The following TMPRSS7 variants were observed in gnomAD, a reference collection of about 807,000 sequenced individuals.
TMPRSS7 encodes transmembrane protease serine 7.
A neutral mutation model predicts 95.6 loss-of-function variants in TMPRSS7; 81 were observed. That is an observed-to-expected ratio of 0.85 (90% CI 0.71 to 1.02). The LOEUF (loss-of-function observed/expected upper bound fraction) is 1.02, where lower values mean the gene tolerates loss of function less well. TMPRSS7 is among the 50% of genes least tolerant of loss of function. The pLI is 0.00. For synonymous variants in TMPRSS7, 364 were observed against 337.8 expected (o/e 1.08, Z -0.85); for missense variants, 945 against 955.2 (o/e 0.99, Z 0.14).
chr3:112,068,732 T>C (rs1471708876), intron 13 of TMPRSS7, among the ~76,000 whole-genome samples: 2 of 152,204 alleles, frequency 1.3e-5, no homozygotes, highest in African/African-American at 2.4e-5. Context: ...GCTGAGATGA[T>C]GGGGTTTTCT....
chr3:112,081,145 G>C, exon 18 of TMPRSS7: 1 of 1,510,538 alleles, frequency 6.6e-7, no homozygotes, highest in South Asian at 1.3e-5. Flanking sequence ...AAATGATGCA[G>C]TAATTGGCTG....
At chr3:112,072,992 C>T (rs78141491) in intron 13 of TMPRSS7, among the ~76,000 whole-genome samples, 4,564 of 152,242 alleles carry the variant, frequency 0.03, 192 homozygotes, top group African/African-American at 0.088. Context: ...AATCACCATA[C>T]CATCTTGCAC....
At chr3:112,072,868 A>G (rs2073667321) in intron 13 of TMPRSS7, among the ~76,000 whole-genome samples, 2 of 152,260 alleles carry the variant, frequency 1.3e-5, no homozygotes, top group South Asian at 2.1e-4. Flanking sequence ...TAGTGCTGCA[A>G]TAGACATACG....
Position 112,077,105 on chromosome 3 carries a change from A to T in TMPRSS7, c.2185A>T (p.Lys729Ter). Residue 729 changes from lysine (K) to a stop codon, truncating the protein, a stop_gained, in exon 16 of 18, where the codon AAG (lysine) becomes TAG (stop). Transcript: ENST00000452346. LOFTEE classifies it high-confidence loss of function. ...TGGTCAGAGAGTTCGCAGTGGGGAG[A>T]AGTGCTGGGTAACTGGCTGGGGGCG... is the stretch of plus-strand genomic sequence containing the variant. The T allele has an allele frequency of 6.2e-7, 1 of 1,614,084 alleles. No homozygotes were observed.
intron 9 of TMPRSS7, among the ~76,000 whole-genome samples, chr3:112,054,429 C>T (rs2073404274): frequency 6.6e-6 from 1 of 152,152 alleles, no homozygotes; most frequent in African/African-American, 2.4e-5. Flanking sequence ...AAATGTCACC[C>T]CTCTGTCTGT....
intron 9 of TMPRSS7, among the ~76,000 whole-genome samples, chr3:112,051,638 A>ATCTG (rs2073355501): frequency 5.7e-5 from 6 of 104,886 alleles, no homozygotes; most frequent in African/African-American, 2.1e-4. Flanking sequence ...CTATCTATCT[A>ATCTG]TCTATCTATC....
chr3:112,063,449 A>C (rs1357997721), intron 11 of TMPRSS7, 76 bp from the exon 12 acceptor site: 4 of 1,123,186 alleles, frequency 3.6e-6, no homozygotes, highest in Non-Finnish European at 5.4e-6. Flanking sequence ...TTCACACTTT[A>C]AATTTGCTAA....
rs774775 is a variant in TMPRSS7, at chr3:112,041,978, T to C, written c.357T>C (p.Ile119=). ...CTGGGATGTTTCGCATCACCAACAT[T>C]GAGTTTCTTCCCGAATACCGACAAA... Residue 119 remains isoleucine (I), a synonymous_variant, in exon 3 of 18, where the codon ATT becomes ATC. Coordinates refer to ENST00000452346, the Ensembl canonical transcript of TMPRSS7. The C allele has an allele frequency of 1.1e-3, 1,775 of 1,551,572 alleles. 14 individuals carry two copies. The African/African-American group carries it at 0.021, about 19-fold the overall frequency.
chr3:112,050,825 C>T (rs927901131), intron 9 of TMPRSS7, 42 bp downstream of exon 9: 11 of 1,004,976 alleles, frequency 1.1e-5, no homozygotes. Flanking sequence ...TATTACTGCT[C>T]TATTTTTAAT....
chr3:112,076,943 T>C (rs1224212600), exon 16 of TMPRSS7: 2 of 1,614,200 alleles, frequency 1.2e-6, no homozygotes, highest in South Asian at 1.1e-5. Context: ...CAAGTTTGTC[T>C]CCCCGGTGAG....
exon 3 of TMPRSS7, chr3:112,041,982 T>C (rs2073215147): frequency 6.4e-7 from 1 of 1,551,590 alleles, no homozygotes; most frequent in Non-Finnish European, 8.7e-7. Flanking sequence ...CAACATTGAG[T>C]TTCTTCCCGA....
Position 112,074,408 on chromosome 3 carries a change from C to T in TMPRSS7, c.1779C>T (p.Gly593=), listed in dbSNP as rs762923495. ...GTCCAGATGGAAGTGATGAAGAAGG[C>T]TGCAGTAAGTAGAAATTCATTCCTT... is the stretch of plus-strand genomic sequence containing the variant. The change falls in exon 14 of 18, where the codon GGC becomes GGT. Residue 593 remains glycine, a synonymous_variant. Transcript: ENST00000452346. 6.2e-6 allele frequency: 10 copies of T among 1,608,688 alleles called. No individual in the cohort carries two copies. In the East Asian group the frequency reaches 1.8e-4, roughly 29 times the overall value.
chr3:112,049,729 C>A, intron 7 of TMPRSS7, 115 bp from the exon 8 acceptor site: 1 of 844,758 alleles, frequency 1.2e-6, no homozygotes, highest in Non-Finnish European at 1.7e-6. Context: ...TTCCCAAGAA[C>A]TGAGTGGATG....
Position 112,061,829 on chromosome 3 carries a change from G to A in TMPRSS7, c.1353G>A (p.Val451=), listed in dbSNP as rs1181626556. 4 of 1,612,258 alleles carry A rather than the reference G, an allele frequency of 2.5e-6. No individual in the cohort carries two copies. In the East Asian group the frequency reaches 8.9e-5, roughly 36 times the overall value. ...TGGATCATCAGACAATTTTTCGAGT[G>A]CCCAGCCCTCTGGTTCACATTCAGC... The change falls in exon 11 of 18, where the codon GTG becomes GTA. Residue 451 remains valine, a synonymous_variant. Coordinates refer to ENST00000452346, the Ensembl canonical transcript of TMPRSS7.
chr3:112,063,593 G>A (rs779028317), exon 12 of TMPRSS7: 1 of 1,614,096 alleles, frequency 6.2e-7, no homozygotes, highest in South Asian at 1.1e-5. Context: ...TTGTGATGGA[G>A]TAAATGACTG....
At chr3:112,073,384 T>C (rs969444526) in intron 13 of TMPRSS7, among the ~76,000 whole-genome samples, 4 of 152,066 alleles carry the variant, frequency 2.6e-5, no homozygotes, top group South Asian at 2.1e-4. Flanking sequence ...AGGAGCCACC[T>C]GTAATTACGC....
chr3:112,080,836 A>G lies in TMPRSS7; in HGVS notation c.2362-78A>G, dbSNP rs2073769732. The stretch of plus-strand genomic sequence containing the variant: ...TGTCATTAGAGGACTCTTGAACACA[A>G]TTCATTAGATACAATAAAGATGAAA... On this transcript the variant is annotated intron_variant, in intron 17 of 17. Transcript: ENST00000452346. The G allele has an allele frequency of 2.1e-6, 3 of 1,437,732 alleles. No homozygotes were observed. The Admixed American group carries it at 6.5e-5, about 31-fold the overall frequency. 89.1% of individuals were successfully genotyped at this position (1,437,732 alleles called of 1,614,324 possible).
intron 2 of TMPRSS7, 100 bp from the exon 3 acceptor site, chr3:112,041,820 T>C (rs1473717675): frequency 1.8e-5 from 14 of 771,648 alleles, no homozygotes; most frequent in Non-Finnish European, 2.8e-5. Flanking sequence ...CTGCCTAAAA[T>C]AAAATTATTT....
chr3:112,076,283 T>G (rs2073709582), intron 15 of TMPRSS7, among the ~76,000 whole-genome samples: 1 of 152,188 alleles, frequency 6.6e-6, no homozygotes, highest in Admixed American at 6.5e-5. Context: ...CTGTGACTTG[T>G]GCAAGGTCAT....
Sources: allele counts gnomAD v4.1 joint callset (sites outside exome capture counted in the v4.1 genomes callset), GRCh38; gene constraint gnomAD v4.1.1; transcripts MANE v1.5; gene names NCBI Gene and HGNC (gene_info 2026-07-23, HGNC 2026-07-21).